NFATC1: variants seen among roughly 807,000 people sequenced by gnomAD.
NFATC1 encodes the protein nuclear factor of activated T cells 1.
A neutral mutation model predicts 76.0 loss-of-function variants in NFATC1; 22 were observed. The observed-to-expected ratio is 0.29, with a 90% CI of 0.21 to 0.41. The LOEUF is 0.41. NFATC1 is among the 10% of genes least tolerant of loss of function. The pLI is 1.00. For synonymous variants in NFATC1, 704 were observed against 613.1 expected, an observed-to-expected ratio of 1.15 and a Z score of -2.19; for missense variants, 1,357 against 1,337.7, an observed-to-expected ratio of 1.01 and a Z score of -0.23.
intron 7 of NFATC1, among the ~76,000 whole-genome samples, chr18:79,466,006 T>C (rs999815186): frequency 6.6e-6 from 1 of 152,164 alleles, no homozygotes; most frequent in Non-Finnish European, 1.5e-5. Context: ...TTCTTCCCAA[T>C]GAACTGCAGT....
intron 2 of NFATC1, among the ~76,000 whole-genome samples, chr18:79,425,116 GCTCTGTCT>G (rs2086265283): frequency 1.2e-5 from 1 of 80,422 alleles, no homozygotes; most frequent in Admixed American, 1.2e-4. Context: ...TGTCTCTGTC[GCTCTGTCT>G]CTCTCTGTCT....
intron 6 of NFATC1, among the ~76,000 whole-genome samples, chr18:79,458,785 C>T (rs889368258): frequency 6.6e-6 from 1 of 152,214 alleles, no homozygotes; most frequent in Non-Finnish European, 1.5e-5. Context: ...GCCGCCATGG[C>T]GATGCTCTTG....
intron 2 of NFATC1, among the ~76,000 whole-genome samples, chr18:79,430,967 T>A (rs1182084977): frequency 6.6e-6 from 1 of 152,210 alleles, no homozygotes; most frequent in Non-Finnish European, 1.5e-5. Flanking sequence ...CGCCTTTCCT[T>A]CTGCCTGGCA....
intron 3 of NFATC1, among the ~76,000 whole-genome samples, chr18:79,442,512 G>A (rs2087021922): frequency 6.6e-6 from 1 of 152,376 alleles, no homozygotes; most frequent in East Asian, 1.9e-4. Flanking sequence ...CGGCGGAAGG[G>A]GCTAGAAAAG....
chr18:79,512,536 G>A (rs568648076), intron 9 of NFATC1, among the ~76,000 whole-genome samples: 1 of 152,236 alleles, frequency 6.6e-6, no homozygotes, highest in Non-Finnish European at 1.5e-5. Flanking sequence ...AGCCTTGGCA[G>A]TTGTGCGGCT....
At chr18:79,459,077 G>A (rs866514460) in intron 6 of NFATC1, among the ~76,000 whole-genome samples, 6 of 152,236 alleles carry the variant, frequency 3.9e-5, no homozygotes, top group South Asian at 2.1e-4. Flanking sequence ...TGGCTCAGCC[G>A]GGGTCTTTGA....
Position 79,529,206 on chromosome 18 carries a change from A to T in NFATC1, c.*1629A>T, listed in dbSNP as rs2090841611. On this transcript the variant is annotated 3_prime_UTR_variant, in exon 10 of 10. Transcript: ENST00000427363. ...CTGGGTACCCTGCACCCGGCACTGT[A>T]GGAGTCACGTGCAGCCTTTCTCAGG... 1.3e-5 allele frequency: 2 copies of T among 152,266 alleles called. No homozygotes were observed. Among genetic ancestry groups the T allele is most frequent in the Admixed American group, 1.3e-4 (2 of 15,290 alleles). 9.4% of individuals were successfully genotyped at this position (152,266 alleles called of 1,614,324 possible).
At chr18:79,477,274 GT>G (rs2089112323) in intron 8 of NFATC1, among the ~76,000 whole-genome samples, 1 of 152,210 alleles carries the variant, frequency 6.6e-6, no homozygotes. Flanking sequence ...TTTTCCAGGG[GT>G]TTAGACTTTG....
intron 6 of NFATC1, among the ~76,000 whole-genome samples, chr18:79,458,733 C>T (rs962268622): frequency 2.0e-5 from 3 of 152,220 alleles, no homozygotes; most frequent in Non-Finnish European, 2.9e-5. Flanking sequence ...TTGAACAGCA[C>T]GGGGGCCGGC....
chr18:79,444,019 G>A (rs1431863906), intron 3 of NFATC1, among the ~76,000 whole-genome samples: 4 of 152,236 alleles, frequency 2.6e-5, no homozygotes, highest in Non-Finnish European at 2.9e-5. Context: ...GGTTGAGGGA[G>A]TGTTGGCTGT....
intron 2 of NFATC1, among the ~76,000 whole-genome samples, chr18:79,426,166 C>T (rs1038995283): frequency 5.3e-5 from 8 of 152,034 alleles, no homozygotes; most frequent in African/African-American, 1.9e-4. Context: ...CAGAGCGAGA[C>T]CCTGTCTCAG....
At chr18:79,397,539 T>C (rs1267883802) in intron 1 of NFATC1, among the ~76,000 whole-genome samples, 2 of 152,076 alleles carry the variant, frequency 1.3e-5, no homozygotes, top group African/African-American at 4.8e-5. Context: ...GGACGGGAGG[T>C]AGACACCACT....
chr18:79,491,590 G>A (rs1398476209), intron 9 of NFATC1, among the ~76,000 whole-genome samples: 13 of 152,246 alleles, frequency 8.5e-5, no homozygotes, highest in Admixed American at 8.5e-4. Flanking sequence ...TGAGGTGCCT[G>A]TGGCAGGACG....
intron 4 of NFATC1, among the ~76,000 whole-genome samples, chr18:79,450,695 G>A (rs1468715359): frequency 6.6e-6 from 1 of 152,212 alleles, no homozygotes; most frequent in Non-Finnish European, 1.5e-5. Context: ...GGTGGGAAGG[G>A]GAAGGTGGAA....
rs141575593 is a variant in NFATC1, at chr18:79,483,643, G to T, written c.2093-2605G>T. Among the ~76,000 whole-genome samples, 187 of 142,602 alleles carry T rather than the reference G, an allele frequency of 1.3e-3. 8 individuals carry two copies. Among genetic ancestry groups the T allele is most frequent in the African/African-American group, 3.8e-3 (135 of 35,724 alleles). 93.6% of individuals were successfully genotyped at this position (142,602 alleles called of 152,430 possible). On this transcript the variant is annotated intron_variant, in intron 8 of 9. Transcript: ENST00000427363. ...CTGGGGCGTCACTCTGGCGTGACCT[G>T]GTCCTGGGGTGTAATTCCAGCGTGA...
At position 79,465,792 on chromosome 18, in the gene NFATC1, C is replaced by T. The variant is rs934032875; in HGVS notation, c.1960-1658C>T. Among the ~76,000 whole-genome samples the T allele has an allele frequency of 7.2e-5, 11 of 152,226 alleles. No homozygotes were observed. Among genetic ancestry groups the T allele is most frequent in the African/African-American group, 1.4e-4 (6 of 41,452 alleles). ...TTGGAGGAAGCGTCTCTTTATCCCC[C>T]GTACAAATGCCGAGACAGGCTCCGG... is the stretch of plus-strand genomic sequence containing the variant. On this transcript the variant is annotated intron_variant, in intron 7 of 9. Transcript: ENST00000427363. This position sits in a 1 kb window ranked among gnomAD's most constrained non-coding sequence, Gnocchi z 4.2.
intron 3 of NFATC1, among the ~76,000 whole-genome samples, chr18:79,435,822 T>C (rs951119636): frequency 6.6e-6 from 1 of 152,244 alleles, no homozygotes; most frequent in South Asian, 2.1e-4. Context: ...CGGGAGAGGC[T>C]GGCTCTGCGT....
chr18:79,512,777 G>C (rs1215264274), intron 9 of NFATC1, among the ~76,000 whole-genome samples: 1 of 152,210 alleles, frequency 6.6e-6, no homozygotes, highest in Non-Finnish European at 1.5e-5. Context: ...CATCCCACTC[G>C]AGCTCTCAGC....
At chr18:79,478,211 C>T (rs1322592731) in intron 8 of NFATC1, among the ~76,000 whole-genome samples, 1 of 149,658 alleles carries the variant, frequency 6.7e-6, no homozygotes, top group Non-Finnish European at 1.5e-5. Context: ...AGGAAGCCAA[C>T]AGGTGGGGCA....
Sources: gnomAD v4.1 joint callset for allele counts (sites outside exome capture counted in the v4.1 genomes callset) on GRCh38, gnomAD v4.1.1 for gene constraint, Gnocchi (gnomAD v3.1) non-coding constraint, MANE v1.5 for transcripts, NCBI Gene and HGNC (gene_info 2026-07-23, HGNC 2026-07-21) for gene names.